The following KCNIP1 variants were observed in gnomAD, a reference collection of about 807,000 sequenced individuals.
KCNIP1 encodes potassium voltage-gated channel interacting protein 1, also known as A-type potassium channel modulatory protein KCNIP1.
In KCNIP1, 18 loss-of-function variants were observed where a neutral mutation model predicts 33.0. The observed-to-expected ratio is 0.55, with a 90% CI of 0.38 to 0.81. The LOEUF (loss-of-function observed/expected upper bound fraction) is 0.81. KCNIP1 is among the 30% of genes least tolerant of loss of function. The pLI, the probability that KCNIP1 is intolerant of heterozygous loss-of-function variation, is 0.00. For synonymous variants in KCNIP1, 93 were observed against 98.3 expected (o/e 0.95, Z 0.32); for missense variants, 238 against 271.6 (o/e 0.88, Z 0.87).
chr5:170,704,405 A>G (rs1173307985), intron 1 of KCNIP1, among the ~76,000 whole-genome samples: 1 of 122,342 alleles, frequency 8.2e-6, no homozygotes, highest in Non-Finnish European at 1.7e-5. Context: ...TTCTTCTCTG[A>G]GCCTCCGTCT....
intron 1 of KCNIP1, chr5:170,483,331 A>G (rs1162990428): frequency 8.9e-6 from 2 of 225,798 alleles, no homozygotes; most frequent in Middle Eastern, 1.6e-3. Flanking sequence ...CTCTCTAGTG[A>G]CCATCACTGG....
chr5:170,693,024 T>C (rs1254023579), intron 1 of KCNIP1, among the ~76,000 whole-genome samples: 2 of 152,178 alleles, frequency 1.3e-5, no homozygotes, highest in Non-Finnish European at 2.9e-5. Context: ...AAACTAAAAA[T>C]ATAGAGAGAA....
upstream of KCNIP1, among the ~76,000 whole-genome samples, chr5:170,502,402 T>C (rs186224391): frequency 2.2e-4 from 33 of 152,232 alleles, no homozygotes; most frequent in African/African-American, 7.9e-4. Flanking sequence ...AGCTCATGGG[T>C]TGGCATTAGG....
intron 1 of KCNIP1, among the ~76,000 whole-genome samples, chr5:170,597,820 T>TATATGAAAATATATATATGAAA (rs1554103534): frequency 3.5e-5 from 2 of 56,360 alleles, no homozygotes; most frequent in Non-Finnish European, 7.7e-5. Flanking sequence ...TATATATATA[T>TATATGAAAATATATATATGAAA]ATATATATAT....
chr5:170,455,737 G>A (rs1756355842), intron 1 of KCNIP1, among the ~76,000 whole-genome samples: 1 of 152,200 alleles, frequency 6.6e-6, no homozygotes, highest in East Asian at 1.9e-4. Flanking sequence ...AAAATACTTT[G>A]AGATGAATGA....
intron 1 of KCNIP1, among the ~76,000 whole-genome samples, chr5:170,370,818 G>C (rs1416355183): frequency 6.6e-6 from 1 of 152,184 alleles, no homozygotes; most frequent in Non-Finnish European, 1.5e-5. Context: ...GTGGCTGAGG[G>C]GATTTCAATT....
chr5:170,550,654 GTGA>G (rs1317255346), intron 1 of KCNIP1, among the ~76,000 whole-genome samples: 1 of 150,558 alleles, frequency 6.6e-6, no homozygotes, highest in African/African-American at 2.5e-5. Flanking sequence ...GATGGTAACA[GTGA>G]TGATGACAAT....
intron 1 of KCNIP1, among the ~76,000 whole-genome samples, chr5:170,587,960 T>C (rs996984016): frequency 1.3e-5 from 2 of 152,138 alleles, no homozygotes; most frequent in African/African-American, 4.8e-5. Context: ...CCATGGATAT[T>C]CATTCAGAGA....
At chr5:170,560,167 CA>C (rs1335048618) in intron 1 of KCNIP1, among the ~76,000 whole-genome samples, 4 of 152,146 alleles carry the variant, frequency 2.6e-5, no homozygotes, top group Non-Finnish European at 5.9e-5. Flanking sequence ...GGACAGAGCT[CA>C]TTAAACCAGC....
At chr5:170,571,945 A>G (rs1177903233) in intron 1 of KCNIP1, among the ~76,000 whole-genome samples, 1 of 152,160 alleles carries the variant, frequency 6.6e-6, no homozygotes. Context: ...ATTTCCTCAC[A>G]TTTAATAGAG....
intron 1 of KCNIP1, among the ~76,000 whole-genome samples, chr5:170,517,582 T>C (rs1272751102): frequency 1.3e-5 from 2 of 151,810 alleles, no homozygotes; most frequent in Non-Finnish European, 2.9e-5. Context: ...GTGGTGACAA[T>C]GGTGATGGTG....
At chr5:170,405,434 C>T (rs542684694) in intron 1 of KCNIP1, among the ~76,000 whole-genome samples, 1 of 152,272 alleles carries the variant, frequency 6.6e-6, no homozygotes, top group Admixed American at 6.5e-5. Context: ...GAATTCTTGA[C>T]CTCAGGTGAT....
chr5:170,487,745 T>C (rs1757128902), intron 1 of KCNIP1, among the ~76,000 whole-genome samples: 2 of 152,090 alleles, frequency 1.3e-5, no homozygotes, highest in African/African-American at 4.8e-5. Context: ...CTCGAACTCC[T>C]GGGCTCAAGG....
intron 1 of KCNIP1, among the ~76,000 whole-genome samples, chr5:170,464,179 T>C (rs1256988063): frequency 2.6e-5 from 4 of 152,248 alleles, no homozygotes; most frequent in Non-Finnish European, 5.9e-5. Context: ...TCCATGTTCA[T>C]GATCAGAAGA....
chr5:170,626,491 G>C (rs563928160), intron 1 of KCNIP1, among the ~76,000 whole-genome samples: 20 of 152,344 alleles, frequency 1.3e-4, no homozygotes, highest in African/African-American at 4.6e-4. Context: ...GACTAGGAAG[G>C]AGTATGTGCT....
At chr5:170,459,278 A>G (rs1756455748) in intron 1 of KCNIP1, among the ~76,000 whole-genome samples, 2 of 152,210 alleles carry the variant, frequency 1.3e-5, no homozygotes, top group Admixed American at 1.3e-4. Flanking sequence ...AGCACTAGAC[A>G]GGTCATCAAG....
At chr5:170,592,537 T>C (rs918294568) in intron 1 of KCNIP1, among the ~76,000 whole-genome samples, 1 of 142,968 alleles carries the variant, frequency 7.0e-6, no homozygotes, top group African/African-American at 3.0e-5. Flanking sequence ...GATTTACTTA[T>C]CTGCTCTCCT....
intron 1 of KCNIP1, among the ~76,000 whole-genome samples, chr5:170,559,032 A>G (rs1025376732): frequency 6.6e-6 from 1 of 152,240 alleles, no homozygotes; most frequent in African/African-American, 2.4e-5. Flanking sequence ...AGTATTTCTT[A>G]GTCAGTTCTA....
chr5:170,471,023 T>C (rs1045400372), intron 1 of KCNIP1, among the ~76,000 whole-genome samples: 3 of 152,228 alleles, frequency 2.0e-5, no homozygotes, highest in Admixed American at 2.0e-4. Flanking sequence ...GGAAACCAAA[T>C]ATCCTATGAC....
Sources: gnomAD v4.1 joint callset for allele counts (sites outside exome capture counted in the v4.1 genomes callset) on GRCh38, gnomAD v4.1.1 for gene constraint, MANE v1.5 for transcripts, NCBI Gene and HGNC (gene_info 2026-07-23, HGNC 2026-07-21) for gene names.